Variants in RAN observed in about 807,000 individuals in gnomAD.
The protein encoded by RAN is RAN, member RAS oncogene family.
A neutral mutation model predicts 26.8 loss-of-function variants in RAN; 2 were observed. That is an observed-to-expected ratio of 0.07 (90% CI 0.03 to 0.23). The LOEUF is 0.23. RAN is among the 10% of genes least tolerant of loss of function. RAN has a pLI of 1.00. For synonymous variants in RAN, 132 were observed against 95.9 expected, an observed-to-expected ratio of 1.38 and a Z score of -2.20; for missense variants, 56 against 264.8, an observed-to-expected ratio of 0.21 and a Z score of 5.47.
rs1185869928 is a variant in RAN, at chr12:130,873,955, C to T, written c.248-591C>T. On this transcript the variant is annotated intron_variant, in intron 4 of 6. Transcript: ENST00000543796. ...TTCCGCCTCCTAAGCTCAAGCCATC[C>T]TCTTACCTCAGCATCCTGAGTAGCT... 15 of 321,712 alleles carry T rather than the reference C, an allele frequency of 4.7e-5. No homozygotes were observed. The East Asian group carries it at 1.1e-3, about 23-fold the overall frequency. The allele number at this position is 321,712 out of a possible 1,614,324, so 19.9% of individuals were successfully genotyped here.
At chr12:130,873,183 T>G in intron 4 of RAN, 55 bp downstream of exon 4, 1 of 1,607,984 alleles carries the variant, frequency 6.2e-7, no homozygotes, top group Non-Finnish European at 8.5e-7. Context: ...TACTTCAGTC[T>G]TCAAGGTTAT....
At position 130,877,601 on chromosome 12, in the gene RAN, G is replaced by A. The variant is rs1593222817; in HGVS notation, c.*1675G>A. On this transcript the variant is annotated 3_prime_UTR_variant, in exon 7 of 7. Transcript: ENST00000543796. ...AAGTGACGTCACTTACCTGTCTAAC[G>A]TGGTGTGGGAGAGAATTTACAAGTC... 3 of 152,178 alleles carry A rather than the reference G, an allele frequency of 2.0e-5. No individual in the cohort carries two copies. The highest frequency in any genetic ancestry group is 2.1e-4 in the South Asian group (1 of 4,836). 9.4% of individuals were successfully genotyped at this position (152,178 alleles called of 1,614,324 possible).
rs1182551679 is a variant in RAN, at chr12:130,872,913, G to A, written c.114G>A (p.Lys38=). The part of the protein sequence containing the change: ...KRHLTGEFEK[K]YVATLGVEVH... ...ATTTGACTGGTGAATTTGAGAAGAA[G>A]TATGTAGGTATGTGCTGGAAAACCT... Residue 38 remains lysine (K), a synonymous_variant, in exon 3 of 7, where the codon AAG becomes AAA. Transcript: ENST00000543796. 2 of 1,614,262 alleles carry A rather than the reference G, an allele frequency of 1.2e-6. No individual in the cohort carries two copies. The highest frequency in any genetic ancestry group is 1.1e-5 in the South Asian group (1 of 91,080).
chr12:130,872,567 G>T lies in RAN; in HGVS notation c.-10-17G>T. On this transcript the variant is annotated splice_polypyrimidine_tract_variant and intron_variant, in intron 1 of 6. Transcript: ENST00000543796. ...CGGGGCCGCGCGAGCGCTCGCCTCC[G>T]TCCTCTGCCTCCGCAGGAACGCCGC... The T allele has an allele frequency of 2.0e-6, 3 of 1,494,952 alleles. No homozygotes were observed. The highest frequency in any genetic ancestry group is 2.7e-6 in the Non-Finnish European group (3 of 1,128,050). 92.6% of individuals were successfully genotyped at this position (1,494,952 alleles called of 1,614,324 possible).
rs540859396 is a variant in RAN at position 130,876,029 on chromosome 12, C to T, written c.*103C>T. 3,032 of 1,196,930 alleles carry T rather than the reference C, an allele frequency of 2.5e-3. 6 individuals are homozygous for T. The highest frequency in any genetic ancestry group is 3.4e-3 in the Non-Finnish European group (2,796 of 819,064). 74.1% of individuals were successfully genotyped at this position (1,196,930 alleles called of 1,614,324 possible). On this transcript the variant is annotated 3_prime_UTR_variant, in exon 7 of 7. Transcript: ENST00000543796. ...GCCACCTCATTATTATCTAGCTAAG[C>T]GGAACATGTGCTTCATCTGTGGGAT...
chr12:130,874,747 A>G lies in RAN; in HGVS notation c.435+14A>G, dbSNP rs1593220625. The stretch of plus-strand genomic sequence containing the variant: ...AAGAATCTTCAGGTGTGTAAAATTA[A>G]AACTTCCTGAGTTATTTCTCTTAGC... On this transcript the variant is annotated intron_variant, in intron 5 of 6. Transcript: ENST00000543796. 6.3e-7 allele frequency: 1 copy of G among 1,598,968 alleles called. No homozygotes were observed. The highest frequency in any genetic ancestry group is 8.6e-7 in the Non-Finnish European group (1 of 1,168,524).
Position 130,872,973 on chromosome 12 carries a change from A to T in RAN, c.122-30A>T, listed in dbSNP as rs1252685542. 5 of 1,614,232 alleles carry T rather than the reference A, an allele frequency of 3.1e-6. No homozygotes were observed. The East Asian group carries it at 6.7e-5, about 22-fold the overall frequency. ...AAATATGTGAGAAATGGGTAAGTTC[A>T]TCCACTCAATCGCATCGTTTCCGTT... is the stretch of plus-strand genomic sequence containing the variant. On this transcript the variant is annotated intron_variant, in intron 3 of 6. Transcript: ENST00000543796.
chr12:130,877,502 T>A lies in RAN; in HGVS notation c.*1576T>A, dbSNP rs1953270018. On this transcript the variant is annotated 3_prime_UTR_variant, in exon 7 of 7. Transcript: ENST00000543796. Reference sequence around the variant, plus strand: ...AGGTATTTTGAATTGAAGGTGTATGTGTTGTTTGTAACCTTGTGGAGATTG... The same window carrying A: ...AGGTATTTTGAATTGAAGGTGTATGAGTTGTTTGTAACCTTGTGGAGATTG... The A allele has an allele frequency of 6.6e-6, 1 of 152,236 alleles. No individual in the cohort carries two copies. 9.4% of individuals were successfully genotyped at this position (152,236 alleles called of 1,614,324 possible). A position where few individuals can be genotyped will look rare whatever the true frequency, so the allele number is the denominator to read the frequency against.
intron 4 of RAN, chr12:130,874,269 T>C (rs1953196815): frequency 5.7e-6 from 2 of 353,324 alleles, no homozygotes; most frequent in Non-Finnish European, 1.0e-5. Flanking sequence ...ATCCAGAATC[T>C]CATTTAGCAT....
intron 4 of RAN, chr12:130,874,037 TG>T (rs1953191956): frequency 5.1e-6 from 2 of 388,986 alleles, no homozygotes; most frequent in South Asian, 1.8e-5. Flanking sequence ...TTTGTAGAGA[TG>T]GGGATTCACC....
chr12:130,873,392 A>T, intron 4 of RAN: 1 of 390,146 alleles, frequency 2.6e-6, no homozygotes, highest in Non-Finnish European at 4.7e-6. Context: ...TTAAAACAAT[A>T]ATAGGCTGTT....
intron 4 of RAN, chr12:130,874,236 C>T: frequency 3.4e-6 from 1 of 292,586 alleles, no homozygotes; most frequent in Non-Finnish European, 6.5e-6. Flanking sequence ...CAGGCCCTAC[C>T]CTCAGAATAT....
Position 130,876,663 on chromosome 12 carries a change from T to C in RAN, c.*737T>C, listed in dbSNP as rs936614252. ...ATATTTTAAGGGTAATATTTTCTTT[T>C]ATGGCAAAAGTAATCATGTTTTAAT... On this transcript the variant is annotated 3_prime_UTR_variant, in exon 7 of 7. Coordinates refer to ENST00000543796, the MANE Select transcript of RAN (RefSeq NM_006325.5). The C allele has an allele frequency of 6.6e-6, 1 of 152,260 alleles. No individual in the cohort carries two copies. The highest frequency in any genetic ancestry group is 1.5e-5 in the Non-Finnish European group (1 of 68,050). 9.4% of individuals were successfully genotyped at this position (152,260 alleles called of 1,614,324 possible).
rs947104918 is a variant in RAN, at chr12:130,877,119, C to T, written c.*1193C>T. On this transcript the variant is annotated 3_prime_UTR_variant, in exon 7 of 7. Transcript: ENST00000543796. The stretch of plus-strand genomic sequence containing the variant: ...TTCCACATTTAAAAATGAATTAGGT[C>T]TATTAGGATAATTAGGAGTTTGATC... 1.3e-5 allele frequency: 2 copies of T among 151,000 alleles called. No individual in the cohort carries two copies. The highest frequency in any genetic ancestry group is 2.4e-5 in the African/African-American group (1 of 40,996). The allele number at this position is 151,000 out of a possible 1,614,324, so 9.4% of individuals were successfully genotyped here.
rs772430865 is a variant in RAN at position 130,872,937 on chromosome 12, C to T, written c.121+17C>T. The T allele has an allele frequency of 6.2e-7, 1 of 1,614,172 alleles. No individual in the cohort carries two copies. Among genetic ancestry groups the T allele is most frequent in the Non-Finnish European group, 8.5e-7 (1 of 1,180,020 alleles). The stretch of plus-strand genomic sequence containing the variant: ...AGTATGTAGGTATGTGCTGGAAAAC[C>T]TTGCTTGTGGAAATATGTGAGAAAT... On this transcript the variant is annotated intron_variant, in intron 3 of 6. Transcript: ENST00000543796.
At chr12:130,875,262 C>T (rs1167019454) in intron 5 of RAN, among the ~76,000 whole-genome samples, 1 of 152,202 alleles carries the variant, frequency 6.6e-6, no homozygotes, top group African/African-American at 2.4e-5. Flanking sequence ...TGCTCTGTTG[C>T]CCAGGCAGGA....
intron 4 of RAN, chr12:130,873,933 C>G (rs367851860): frequency 8.5e-6 from 2 of 235,908 alleles, no homozygotes; most frequent in South Asian, 7.8e-5. Flanking sequence ...GTGCAGCTTC[C>G]GCCTCCTAAG....
At chr12:130,872,317 C>A (rs7970825) in intron 1 of RAN, 191 bp downstream of exon 1, 49,544 of 153,528 alleles carry the variant, frequency 0.32, 8,043 homozygotes, top group Non-Finnish European at 0.33. Context: ...CTAGCCCCCG[C>A]GAACCCCCGT....
In RAN at chr12:130,876,198, T is replaced by C. The variant is rs1465402769; in HGVS notation, c.*272T>C. ...AGACTGCTGCAGTCACATCACAATA[T>C]TCAGTGGTGAAATCTTGTTTGTTAC... On this transcript the variant is annotated 3_prime_UTR_variant, in exon 7 of 7. Coordinates refer to ENST00000543796, the MANE Select transcript of RAN (RefSeq NM_006325.5). 6.5e-6 allele frequency: 3 copies of C among 458,884 alleles called. No homozygotes were observed. Among genetic ancestry groups the C allele is most frequent in the African/African-American group, 5.9e-5 (3 of 50,542 alleles). The allele number at this position is 458,884 out of a possible 1,614,324, so 28.4% of individuals were successfully genotyped here.
Sources: gnomAD v4.1 joint callset for allele counts (sites outside exome capture counted in the v4.1 genomes callset) on GRCh38, gnomAD v4.1.1 for gene constraint, MANE v1.5 for transcripts, NCBI Gene and HGNC (gene_info 2026-07-23, HGNC 2026-07-21) for gene names.